GOLGA2: variants seen among roughly 807,000 people sequenced by gnomAD.
The protein encoded by GOLGA2 is golgin subfamily A member 2.
In GOLGA2, 49 loss-of-function variants were observed where a neutral mutation model predicts 148.8. The ratio of observed to expected loss-of-function variants is 0.33; its 90% CI spans 0.26 to 0.42. GOLGA2 has a LOEUF of 0.42. GOLGA2 is among the 10% of genes least tolerant of loss of function. GOLGA2 has a pLI of 1.00. For missense variants in GOLGA2, 1,178 were observed against 1,304.6 expected (o/e 0.90, Z 1.49); for synonymous variants, 501 against 511.8 (o/e 0.98, Z 0.28).
At chr9:128,265,086 T>A (rs547841588) in intron 12 of GOLGA2, among the ~76,000 whole-genome samples, 1 of 152,302 alleles carries the variant, frequency 6.6e-6, no homozygotes, top group African/African-American at 2.4e-5. Context: ...AAGGATGATA[T>A]ATTCAGATAG....
Position 128,271,282 on chromosome 9 carries a change from G to A in GOLGA2, c.288+1503C>T, listed in dbSNP as rs1830928479. On this transcript the variant is annotated intron_variant, in intron 3 of 26. Transcript: ENST00000611957. The surrounding 1 kb of genome is among the most constrained non-coding windows in gnomAD (Gnocchi z 4.4). ...CTCTGAGCTGGCAAGGTGAGTCACA[G>A]CACCTGGACAGACCTGATCAACTGG... 6.6e-6 allele frequency among the ~76,000 whole-genome samples: 1 copy of A among 152,170 alleles called. No individual in the cohort carries two copies. The highest frequency in any genetic ancestry group is 1.5e-5 in the Non-Finnish European group (1 of 68,038).
rs1030762180 is a variant in GOLGA2 at position 128,256,045 on chromosome 9, A to G, written c.*1022T>C. On this transcript the variant is annotated 3_prime_UTR_variant, in exon 27 of 27. Coordinates refer to ENST00000611957, the MANE Select transcript of GOLGA2 (RefSeq NM_001366244.2). The stretch of plus-strand genomic sequence containing the variant: ...GGCGGCCCTACCCCTGGAATATACA[A>G]AATGTTACACAGATACAATATGTAC... 1.3e-5 allele frequency: 2 copies of G among 152,638 alleles called. No individual in the cohort carries two copies. The highest frequency in any genetic ancestry group is 4.8e-5 in the African/African-American group (2 of 41,430). The allele number at this position is 152,638 out of a possible 1,614,324, so 9.5% of individuals were successfully genotyped here. A position where few individuals can be genotyped will look rare whatever the true frequency, so the allele number is the denominator to read the frequency against.
chr9:128,262,120 G>C (rs1006713063), intron 14 of GOLGA2: 1 of 268,914 alleles, frequency 3.7e-6, no homozygotes, highest in Non-Finnish European at 7.0e-6. Flanking sequence ...AGGATGGCTT[G>C]AGCCTGGGAA....
At chr9:128,268,032 T>C in intron 5 of GOLGA2, 35 bp from the exon 6 acceptor site, 1 of 1,607,152 alleles carries the variant, frequency 6.2e-7, no homozygotes, top group Non-Finnish European at 8.5e-7. Flanking sequence ...GGGGTGCAGG[T>C]GGCTCAATGG....
In GOLGA2 at chr9:128,257,528, G is replaced by T. The variant is rs1465732705; in HGVS notation, c.2719-3C>A. On this transcript the variant is annotated splice_region_variant and splice_polypyrimidine_tract_variant and intron_variant, in intron 25 of 26. Coordinates refer to ENST00000611957, the MANE Select transcript of GOLGA2 (RefSeq NM_001366244.2). The surrounding 1 kb of genome is among the most constrained non-coding windows in gnomAD (Gnocchi z 8.0). ...TCCTGCAGCTCCAGCAGCTTCACCT[G>T]GAGGGAGGGGTGCTAAGCTGCCATG... The T allele has an allele frequency of 6.2e-7, 1 of 1,613,946 alleles. No homozygotes were observed. The highest frequency in any genetic ancestry group is 2.2e-5 in the East Asian group (1 of 44,896).
At position 128,263,991 on chromosome 9, in the gene GOLGA2, C is replaced by G. The variant is rs181419721; in HGVS notation, c.934-899G>C. On this transcript the variant is annotated intron_variant, in intron 12 of 26. Coordinates refer to ENST00000611957, the MANE Select transcript of GOLGA2 (RefSeq NM_001366244.2). The stretch of plus-strand genomic sequence containing the variant: ...CTAACACGGTGAAACCCCATCTCTA[C>G]TAAAAAAAAAAAAAATACAAAAAAT... 1.3e-3 allele frequency among the ~76,000 whole-genome samples: 184 copies of G among 144,440 alleles called. 2 individuals are homozygous for G. The highest frequency in any genetic ancestry group is 4.0e-3 in the African/African-American group (158 of 39,392). 94.8% of individuals were successfully genotyped at this position (144,440 alleles called of 152,430 possible). A position where few individuals can be genotyped will look rare whatever the true frequency, so the allele number is the denominator to read the frequency against.
At chr9:128,264,689 A>G (rs1261637860) in intron 12 of GOLGA2, among the ~76,000 whole-genome samples, 1 of 152,100 alleles carries the variant, frequency 6.6e-6, no homozygotes, top group Non-Finnish European at 1.5e-5. Context: ...CGGCCTCCCA[A>G]AGTGCTGGGA....
At chr9:128,274,553 C>A (rs1210284370) in intron 1 of GOLGA2, among the ~76,000 whole-genome samples, 4 of 152,172 alleles carry the variant, frequency 2.6e-5, no homozygotes, top group African/African-American at 4.8e-5. Flanking sequence ...ATTAAGTCGG[C>A]AGGAACTGTA....
intron 12 of GOLGA2, among the ~76,000 whole-genome samples, chr9:128,263,664 C>G (rs1056078172): frequency 1.3e-5 from 2 of 151,832 alleles, no homozygotes; most frequent in African/African-American, 4.8e-5. Flanking sequence ...GTGATCCGCC[C>G]GTCTCAGCCT....
rs1215885442 is a variant in GOLGA2 at position 128,259,094 on chromosome 9, G to C, written c.2098-12C>G. 1.9e-6 allele frequency: 3 copies of C among 1,610,870 alleles called. No individual in the cohort carries two copies. The highest frequency in any genetic ancestry group is 1.3e-5 in the African/African-American group (1 of 74,978). ...GCTTCCAGGCGCTCCTAAGGGGCCA[G>C]AAAAGAGAGTGAGAAGGCATGGAGG... is the stretch of plus-strand genomic sequence containing the variant. On this transcript the variant is annotated splice_polypyrimidine_tract_variant and intron_variant, in intron 20 of 26. Transcript: ENST00000611957.
rs775276855 is a variant in GOLGA2 at position 128,260,815 on chromosome 9, G to A, written c.1421-13C>T. ...GGCGGGGGTTCAGCTGAGAAAGGACGCAGACAATAAAAGCCTCTGGATTCT... is the reference window on the plus strand; with the variant it reads ...GGCGGGGGTTCAGCTGAGAAAGGACACAGACAATAAAAGCCTCTGGATTCT... On this transcript the variant is annotated splice_polypyrimidine_tract_variant and intron_variant, in intron 17 of 26. Coordinates refer to ENST00000611957, the MANE Select transcript of GOLGA2 (RefSeq NM_001366244.2). This position sits in a 1 kb window ranked among gnomAD's most constrained non-coding sequence, Gnocchi z 4.8. The A allele has an allele frequency of 9.0e-6, 14 of 1,557,972 alleles. No homozygotes were observed. The highest frequency in any genetic ancestry group is 2.2e-5 in the South Asian group (2 of 88,892).
chr9:128,266,123 C>A lies in GOLGA2; in HGVS notation c.682-103G>T. 3 of 1,384,466 alleles carry A rather than the reference C, an allele frequency of 2.2e-6. No homozygotes were observed. Among genetic ancestry groups the A allele is most frequent in the South Asian group, 1.2e-5 (1 of 86,506 alleles). 85.8% of individuals were successfully genotyped at this position (1,384,466 alleles called of 1,614,324 possible). ...ACCAATGTCCCAGGACAGGCCCACC[C>A]ATGGGACCAGGTTATCAGGGACCCT... On this transcript the variant is annotated intron_variant, in intron 9 of 26. Coordinates refer to ENST00000611957, the MANE Select transcript of GOLGA2 (RefSeq NM_001366244.2). This position sits in a 1 kb window ranked among gnomAD's most constrained non-coding sequence, Gnocchi z 4.2.
Position 128,258,442 on chromosome 9 carries a change from G to C in GOLGA2, c.2289+13C>G, listed in dbSNP as rs1407775447. 1 of 1,604,224 alleles carries C rather than the reference G, an allele frequency of 6.2e-7. No individual in the cohort carries two copies. The highest frequency in any genetic ancestry group is 2.2e-5 in the East Asian group (1 of 44,796). ...GGAGGCAGCAAAGGTTGGGGAGGGGGAGTCAGCCTCACCATGGCTTCCCGG... is the reference window on the plus strand; with the variant it reads ...GGAGGCAGCAAAGGTTGGGGAGGGGCAGTCAGCCTCACCATGGCTTCCCGG... On this transcript the variant is annotated intron_variant, in intron 22 of 26. Coordinates refer to ENST00000611957, the MANE Select transcript of GOLGA2 (RefSeq NM_001366244.2). The surrounding 1 kb of genome is among the most constrained non-coding windows in gnomAD (Gnocchi z 6.6).
intron 3 of GOLGA2, among the ~76,000 whole-genome samples, chr9:128,270,635 A>G (rs556216563): frequency 6.6e-6 from 1 of 152,292 alleles, no homozygotes; most frequent in East Asian, 1.9e-4. Flanking sequence ...TCCGCTCAGG[A>G]TACTACGATC....
intron 6 of GOLGA2, 58 bp from the exon 7 acceptor site, chr9:128,267,575 T>TA: frequency 7.5e-7 from 1 of 1,329,566 alleles, no homozygotes; most frequent in Non-Finnish European, 1.1e-6. Flanking sequence ...CTAAGCCCTC[T>TA]AACTTCGTTT....
rs766511701 is a variant in GOLGA2 at position 128,257,172 on chromosome 9, A to C, written c.2985T>G (p.Arg995=). The change falls in exon 27 of 27, where the codon CGT becomes CGG. Residue 995 remains arginine, a synonymous_variant. Transcript: ENST00000611957. The surrounding 1 kb of genome is among the most constrained non-coding windows in gnomAD (Gnocchi z 8.0). The part of the protein sequence containing the change: ...PTAQQIMQLL[R]EMQNPRERPG... ...GGCGCTCCCGGGGGTTCTGCATCTC[A>C]CGAAGCAGCTGCATGATCTGCTGTG... The C allele has an allele frequency of 6.2e-7, 1 of 1,613,966 alleles. No homozygotes were observed. Among genetic ancestry groups the C allele is most frequent in the South Asian group, 1.1e-5 (1 of 91,086 alleles).
rs1024604938 is a variant in GOLGA2 at position 128,258,697 on chromosome 9, T to C, written c.2174-127A>G. The stretch of plus-strand genomic sequence containing the variant: ...CAGAGGGAAATAAGCATCTGTTCTT[T>C]ATTTTTATTTTATTCTTTTTTAAGA... On this transcript the variant is annotated intron_variant, in intron 21 of 26. Transcript: ENST00000611957. The surrounding 1 kb of genome is among the most constrained non-coding windows in gnomAD (Gnocchi z 6.6). The C allele has an allele frequency of 1.9e-5, 13 of 692,648 alleles. No individual in the cohort carries two copies. In the African/African-American group the frequency reaches 2.2e-4, roughly 12 times the overall value. The allele number at this position is 692,648 out of a possible 1,614,324, so 42.9% of individuals were successfully genotyped here. A position where few individuals can be genotyped will look rare whatever the true frequency, so the allele number is the denominator to read the frequency against.
In GOLGA2 at chr9:128,270,129, A is replaced by ATTTT. The variant is rs776425049; in HGVS notation, c.289-1609_289-1606dup. On this transcript the variant is annotated intron_variant, in intron 3 of 26. Coordinates refer to ENST00000611957, the MANE Select transcript of GOLGA2 (RefSeq NM_001366244.2). ...ACACAAGAATGCTCAGAGGAAGGGAATTTTTTTTTTTTTTTTTTTTTGAGA... is the reference window on the plus strand; with the variant it reads ...ACACAAGAATGCTCAGAGGAAGGGAATTTTTTTTTTTTTTTTTTTTTTTTTGAGA... Among the ~76,000 whole-genome samples, 310 of 115,114 alleles carry ATTTT rather than the reference A, an allele frequency of 2.7e-3. 2 individuals carry two copies. The highest frequency in any genetic ancestry group is 7.6e-3 in the East Asian group (29 of 3,810). The allele number at this position is 115,114 out of a possible 152,430, so 75.5% of individuals were successfully genotyped here.
chr9:128,257,062 G>A lies in GOLGA2; in HGVS notation c.*5C>T, dbSNP rs575735958. On this transcript the variant is annotated 3_prime_UTR_variant, in exon 27 of 27. Coordinates refer to ENST00000611957, the MANE Select transcript of GOLGA2 (RefSeq NM_001366244.2). The surrounding 1 kb of genome is among the most constrained non-coding windows in gnomAD (Gnocchi z 8.0). ...TCTTCAGGCTTTGCTGACAGTAGCC[G>A]GCTTTTAGATGACAGTGATCTTCAC... is the stretch of plus-strand genomic sequence containing the variant. The A allele has an allele frequency of 1.4e-5, 22 of 1,605,620 alleles. No individual in the cohort carries two copies. Among genetic ancestry groups the A allele is most frequent in the Admixed American group, 6.7e-5 (4 of 59,542 alleles).
Sources: allele counts gnomAD v4.1 joint callset (sites outside exome capture counted in the v4.1 genomes callset), GRCh38; gene constraint gnomAD v4.1.1; non-coding constraint Gnocchi (gnomAD v3.1); transcripts MANE v1.5; gene names NCBI Gene and HGNC (gene_info 2026-07-23, HGNC 2026-07-21).